IMMP2L: variants seen among roughly 807,000 people sequenced by gnomAD.
IMMP2L encodes inner mitochondrial membrane peptidase subunit 2.
In IMMP2L, 18 loss-of-function variants were observed where a neutral mutation model predicts 19.3. That is an observed-to-expected ratio of 0.93 (90% CI 0.64 to 1.38). The LOEUF (loss-of-function observed/expected upper bound fraction) is 1.38, where lower values mean the gene tolerates loss of function less well. Ranked by LOEUF, IMMP2L falls within the 40% of genes most tolerant of loss-of-function variation. IMMP2L has a pLI of 0.00. For missense variants in IMMP2L, 233 were observed against 218.2 expected, an observed-to-expected ratio of 1.07 and a Z score of -0.43; for synonymous variants, 76 against 73.0, an observed-to-expected ratio of 1.04 and a Z score of -0.21.
At chr7:111,321,544 CTT>C (rs777226074) in intron 3 of IMMP2L, among the ~76,000 whole-genome samples, 1 of 151,402 alleles carries the variant, frequency 6.6e-6, no homozygotes, top group African/African-American at 2.4e-5. Flanking sequence ...TAATATTTAT[CTT>C]TGAGGTTGAG....
chr7:110,795,061 AG>A (rs1406632702), intron 5 of IMMP2L, among the ~76,000 whole-genome samples: 1 of 152,124 alleles, frequency 6.6e-6, no homozygotes, highest in Non-Finnish European at 1.5e-5. Context: ...CTGGGCAGTC[AG>A]GGTGATTTAA....
At chr7:111,441,798 G>A (rs1234171353) in intron 3 of IMMP2L, among the ~76,000 whole-genome samples, 1 of 151,106 alleles carries the variant, frequency 6.6e-6, no homozygotes, top group African/African-American at 2.4e-5. Context: ...AAGTGTTCTT[G>A]TATACAACTA....
At chr7:111,372,796 A>G (rs1216200081) in intron 3 of IMMP2L, among the ~76,000 whole-genome samples, 1 of 152,106 alleles carries the variant, frequency 6.6e-6, no homozygotes, top group Non-Finnish European at 1.5e-5. Flanking sequence ...TTGCACTAGC[A>G]AAACAAAACA....
At chr7:110,808,171 A>C (rs1480554033) in intron 5 of IMMP2L, among the ~76,000 whole-genome samples, 1 of 152,072 alleles carries the variant, frequency 6.6e-6, no homozygotes, top group Non-Finnish European at 1.5e-5. Context: ...AATAAAGATA[A>C]AAGCTATCTC....
chr7:110,694,407 T>C (rs1426866847), intron 5 of IMMP2L, among the ~76,000 whole-genome samples: 1 of 150,574 alleles, frequency 6.6e-6, no homozygotes, highest in African/African-American at 2.4e-5. Flanking sequence ...AAAAGAACAA[T>C]ATACATGATA....
chr7:110,677,793 G>GA (rs566344783), intron 5 of IMMP2L, among the ~76,000 whole-genome samples: 16 of 152,134 alleles, frequency 1.1e-4, no homozygotes, highest in Admixed American at 5.9e-4. Context: ...GGAGGCTCTG[G>GA]AAAAAAATGG....
chr7:110,878,673 G>A (rs1004900155), intron 5 of IMMP2L, among the ~76,000 whole-genome samples: 1 of 151,808 alleles, frequency 6.6e-6, no homozygotes, highest in Non-Finnish European at 1.5e-5. Flanking sequence ...ACAACATAGT[G>A]ATTGCTGAAA....
chr7:111,147,435 A>G (rs1257274241), intron 3 of IMMP2L, among the ~76,000 whole-genome samples: 1 of 152,152 alleles, frequency 6.6e-6, no homozygotes, highest in Non-Finnish European at 1.5e-5. Flanking sequence ...GTCTGTAGGC[A>G]ACAGAGACTT....
chr7:111,152,540 T>C (rs190279454), intron 3 of IMMP2L, among the ~76,000 whole-genome samples: 4 of 152,264 alleles, frequency 2.6e-5, no homozygotes, highest in African/African-American at 9.6e-5. Flanking sequence ...CATAGTATAA[T>C]AGAAAAATAG....
intron 3 of IMMP2L, among the ~76,000 whole-genome samples, chr7:111,477,691 G>T (rs976633616): frequency 6.6e-6 from 1 of 152,040 alleles, no homozygotes; most frequent in Admixed American, 6.5e-5. Context: ...CTGAGGTCAG[G>T]AGTTCAAGAC....
chr7:111,519,140 G>C (rs778990551), intron 2 of IMMP2L, among the ~76,000 whole-genome samples: 28 of 152,270 alleles, frequency 1.8e-4, no homozygotes, highest in Middle Eastern at 3.4e-3. Context: ...CAAGGCAGTA[G>C]GAGCAATCTC....
At chr7:111,294,419 C>T (rs925598649) in intron 3 of IMMP2L, among the ~76,000 whole-genome samples, 2 of 151,770 alleles carry the variant, frequency 1.3e-5, no homozygotes, top group African/African-American at 2.4e-5. Flanking sequence ...GAAAAATGAT[C>T]GTTCAATGGA....
chr7:111,339,987 A>G (rs544397081), intron 3 of IMMP2L, among the ~76,000 whole-genome samples: 5 of 152,118 alleles, frequency 3.3e-5, no homozygotes, highest in East Asian at 1.9e-4. Flanking sequence ...AGAAATATCA[A>G]TTCTTTGTAG....
At chr7:111,005,153 T>C (rs1332366090) in intron 3 of IMMP2L, among the ~76,000 whole-genome samples, 1 of 152,154 alleles carries the variant, frequency 6.6e-6, no homozygotes, top group African/African-American at 2.4e-5. Flanking sequence ...CTTCAGTGGT[T>C]CACTCTGTTG....
intron 3 of IMMP2L, among the ~76,000 whole-genome samples, chr7:111,224,469 T>G (rs576358966): frequency 6.6e-6 from 1 of 152,108 alleles, no homozygotes; most frequent in African/African-American, 2.4e-5. Context: ...CTAAGGAAGT[T>G]GAAGAAAGGT....
At chr7:111,519,590 T>G (rs567743032) in intron 2 of IMMP2L, among the ~76,000 whole-genome samples, 6 of 152,258 alleles carry the variant, frequency 3.9e-5, no homozygotes, top group African/African-American at 1.2e-4. Context: ...TTCACTGCCT[T>G]CTTCACTGGG....
chr7:111,433,144 A>T (rs1836806625), intron 3 of IMMP2L, among the ~76,000 whole-genome samples: 1 of 151,704 alleles, frequency 6.6e-6, no homozygotes, highest in African/African-American at 2.4e-5. Context: ...CAATCATGGC[A>T]GAAGACACCT....
Position 110,883,642 on chromosome 7 carries a change from A to C in IMMP2L, c.408+2951T>G, listed in dbSNP as rs562682805. Among the ~76,000 whole-genome samples, 8 of 152,296 alleles carry C rather than the reference A, an allele frequency of 5.3e-5. No individual in the cohort carries two copies. The East Asian group carries it at 1.5e-3, about 29-fold the overall frequency. On this transcript the variant is annotated intron_variant, in intron 5 of 5. Transcript: ENST00000405709. Reference sequence around the variant, plus strand: ...CAAACCTAAAAATCAAAATACATTTATACATCTTAGAAAGGTTATGTTTGC... The same window carrying C: ...CAAACCTAAAAATCAAAATACATTTCTACATCTTAGAAAGGTTATGTTTGC...
chr7:110,846,510 C>T (rs548524012), intron 5 of IMMP2L, among the ~76,000 whole-genome samples: 2 of 151,956 alleles, frequency 1.3e-5, no homozygotes, highest in African/African-American at 4.8e-5. Flanking sequence ...GGACTACTGG[C>T]GCCTGCCACC....
Sources: gnomAD v4.1 joint callset for allele counts (sites outside exome capture counted in the v4.1 genomes callset) on GRCh38, gnomAD v4.1.1 for gene constraint, MANE v1.5 for transcripts, NCBI Gene and HGNC (gene_info 2026-07-23, HGNC 2026-07-21) for gene names.